The following AFMID variants were observed in gnomAD, a reference collection of about 807,000 sequenced individuals.
The protein encoded by AFMID is kynurenine formamidase.
Under a neutral mutation model 47.5 loss-of-function variants are expected in AFMID, and 39 were observed. That is an observed-to-expected ratio of 0.82 (90% CI 0.64 to 1.07). The LOEUF is 1.07. Among genes scored for constraint, AFMID ranks in the 50% least tolerant of loss-of-function variants. The pLI, the probability that AFMID is intolerant of heterozygous loss-of-function variation, is 0.00. For missense variants in AFMID, 375 were observed against 387.5 expected, an observed-to-expected ratio of 0.97 and a Z score of 0.27; for synonymous variants, 130 against 153.2, an observed-to-expected ratio of 0.85 and a Z score of 1.12.
chr17:78,189,219 C>CTT (rs770863206), intron 1 of AFMID, among the ~76,000 whole-genome samples: 2,943 of 122,692 alleles, frequency 0.024, 201 homozygotes, highest in African/African-American at 0.086. Flanking sequence ...TTCCTTGTTA[C>CTT]TTTTTTTTTT....
chr17:78,205,948 C>A lies in AFMID; in HGVS notation c.783C>A (p.Thr261=). The stretch of plus-strand genomic sequence containing the variant: ...CTTCCCATGTCTCCCCTGCCCAGAC[C>A]CTGTGTCAAGGAGAGTGGAAAGCCT... ...FHRQSWEFYQ[T]LCQGEWKASF... is the part of the protein sequence containing the mutation. The change falls in exon 10 of 11, where the codon ACC becomes ACA. Residue 261 remains threonine, a splice_region_variant and synonymous_variant. Coordinates refer to ENST00000409257, the MANE Select transcript of AFMID (RefSeq NM_001010982.5). 6.2e-7 allele frequency: 1 copy of A among 1,614,014 alleles called. No homozygotes were observed. The highest frequency in any genetic ancestry group is 1.1e-5 in the South Asian group (1 of 91,064).
At position 78,196,802 on chromosome 17, in the gene AFMID, A is replaced by G. The variant is rs9891101; in HGVS notation, c.155-5697A>G. 4.3e-3 allele frequency among the ~76,000 whole-genome samples: 655 copies of G among 152,326 alleles called. 4 individuals carry two copies. The highest frequency in any genetic ancestry group is 0.015 in the African/African-American group (618 of 41,574). Reference sequence around the variant, plus strand: ...ATAGCCTGAGTTGTAAATAATAGCAATGAAGCTTTTGCTTTAATGAGAAAG... The same window carrying G: ...ATAGCCTGAGTTGTAAATAATAGCAGTGAAGCTTTTGCTTTAATGAGAAAG... On this transcript the variant is annotated intron_variant, in intron 2 of 10. Transcript: ENST00000409257.
At chr17:78,202,832 C>T (rs1264710880) in intron 4 of AFMID, 81 bp downstream of exon 4, 5 of 1,492,134 alleles carry the variant, frequency 3.4e-6, no homozygotes, top group Non-Finnish European at 4.6e-6. Context: ...GCTGCCGCAA[C>T]CAAACTGCCA....
chr17:78,204,023 CAA>C (rs11308034), intron 4 of AFMID: 6,757 of 93,592 alleles, frequency 0.072, 153 homozygotes, highest in Non-Finnish European at 0.083. Context: ...GACTCTGTCT[CAA>C]AAAAAAAAAA....
At chr17:78,201,982 G>C (rs761021853) in intron 2 of AFMID, among the ~76,000 whole-genome samples, 1 of 151,514 alleles carries the variant, frequency 6.6e-6, no homozygotes, top group Admixed American at 6.6e-5. Context: ...CACCCGCCTC[G>C]GCCTCCCAGA....
chr17:78,204,657 A>G lies in AFMID; in HGVS notation c.310A>G (p.Lys104Glu), dbSNP rs2076329321. 1 of 1,614,026 alleles carries G rather than the reference A, an allele frequency of 6.2e-7. No homozygotes were observed. The highest frequency in any genetic ancestry group is 1.1e-5 in the South Asian group (1 of 91,090). The change falls in exon 5 of 11, where the codon AAG becomes GAG. Residue 104 changes from lysine to glutamate, a missense_variant and splice_region_variant. Physicochemically the swap from Lys to Glu is moderately conservative, Grantham distance 56. Transcript: ENST00000409257. ...FHGGYWQSGS[K>E]DESAFMVHPL... is the part of the protein sequence containing the mutation. The stretch of plus-strand genomic sequence containing the variant: ...TGTCACATCTGTGTGTCTCTGCAGT[A>G]AGGATGAGTCTGCCTTCATGGTCCA...
chr17:78,205,171 G>A lies in AFMID; in HGVS notation c.546G>A (p.Gly182=). 5.0e-6 allele frequency: 8 copies of A among 1,612,232 alleles called. No individual in the cohort carries two copies. The highest frequency in any genetic ancestry group is 5.9e-6 in the Non-Finnish European group (7 of 1,179,302). Residue 182 remains glycine (G), a synonymous_variant, in exon 7 of 11, where the codon GGG becomes GGA. Transcript: ENST00000409257. ...MMLLADWTKH[G]VTPNLRGFFL... is the part of the protein sequence containing the mutation. ...TCCTGGCCGACTGGACCAAGCATGG[G>A]GTCACGCCCAACCTCAGAGGTTTCC...
At chr17:78,192,310 C>CTT (rs756391509) in intron 2 of AFMID, among the ~76,000 whole-genome samples, 12,174 of 77,678 alleles carry the variant, frequency 0.16, 1,691 homozygotes, top group Non-Finnish European at 0.22. Context: ...CATGGCTGGA[C>CTT]TTTTTTTTTT....
In AFMID at chr17:78,207,186, C is replaced by T. The variant is rs766933772; in HGVS notation, c.*249C>T. 1.3e-5 allele frequency: 7 copies of T among 558,428 alleles called. No homozygotes were observed. The Admixed American group carries it at 1.3e-4, about 10-fold the overall frequency. 34.6% of individuals were successfully genotyped at this position (558,428 alleles called of 1,614,324 possible). A position where few individuals can be genotyped will look rare whatever the true frequency, so the allele number is the denominator to read the frequency against. ...GTCCGCAAGTCAATGCTCAGAGATG[C>T]CCGGAGCTGCCTCTTAGACTCGTCT... On this transcript the variant is annotated 3_prime_UTR_variant, in exon 11 of 11. Coordinates refer to ENST00000409257, the MANE Select transcript of AFMID (RefSeq NM_001010982.5).
At chr17:78,191,449 C>T (rs546605303) in intron 2 of AFMID, among the ~76,000 whole-genome samples, 20 of 152,106 alleles carry the variant, frequency 1.3e-4, no homozygotes, top group African/African-American at 3.9e-4. Flanking sequence ...TTTGGGAGGC[C>T]GAGGCAGGTA....
intron 2 of AFMID, among the ~76,000 whole-genome samples, chr17:78,192,201 T>A (rs1260509331): frequency 6.8e-6 from 1 of 147,342 alleles, no homozygotes; most frequent in Non-Finnish European, 1.5e-5. Flanking sequence ...AGTAGAGATA[T>A]GGTTTCTCCA....
chr17:78,200,893 A>G (rs1316060821), intron 2 of AFMID, among the ~76,000 whole-genome samples: 1 of 152,178 alleles, frequency 6.6e-6, no homozygotes, highest in African/African-American at 2.4e-5. Context: ...CCTTCTCCCA[A>G]GAGCGCAGTG....
At chr17:78,192,284 T>G (rs1466216302) in intron 2 of AFMID, among the ~76,000 whole-genome samples, 1 of 147,634 alleles carries the variant, frequency 6.8e-6, no homozygotes, top group Non-Finnish European at 1.5e-5. Context: ...GTGCTAGGAT[T>G]ACAGGTGTGA....
At chr17:78,189,864 C>T (rs991858959) in intron 1 of AFMID, among the ~76,000 whole-genome samples, 2 of 128,538 alleles carry the variant, frequency 1.6e-5, no homozygotes, top group African/African-American at 5.9e-5. Context: ...TGGGGTCTCA[C>T]TCTGTCGCCC....
At chr17:78,192,683 TTTCC>T (rs1480457929) in intron 2 of AFMID, 2 of 470,444 alleles carry the variant, frequency 4.3e-6, no homozygotes, top group Non-Finnish European at 8.8e-6. Context: ...TTAAGGTCCA[TTTCC>T]ATCTCTACCC....
chr17:78,202,456 AC>A (rs1480613854), intron 2 of AFMID, 42 bp from the exon 3 acceptor site: 1 of 1,586,510 alleles, frequency 6.3e-7, no homozygotes, highest in Non-Finnish European at 8.6e-7. Flanking sequence ...AATTTCTACC[AC>A]CTGAGCTTGT....
rs1358539857 is a variant in AFMID at position 78,205,724 on chromosome 17, T to C, written c.766T>C (p.Trp256Arg). ...CTCCCCCGAATTCCACCGACAGTCC[T>C]GGGAGTTTTACCAGGTACTCCCAGT... is the stretch of plus-strand genomic sequence containing the variant. Reference protein sequence around the residue: ...FDSPEFHRQSWEFYQTLCQGE... With the variant: ...FDSPEFHRQSREFYQTLCQGE... The change falls in exon 9 of 11, where the codon TGG becomes CGG. Residue 256 changes from tryptophan to arginine, a missense_variant. Coordinates refer to ENST00000409257, the MANE Select transcript of AFMID (RefSeq NM_001010982.5). 6.8e-6 allele frequency: 11 copies of C among 1,610,200 alleles called. No homozygotes were observed. The East Asian group carries it at 2.5e-4, about 36-fold the overall frequency.
intron 6 of AFMID, 43 bp downstream of exon 6, chr17:78,204,943 G>T: frequency 1.2e-6 from 2 of 1,611,596 alleles, no homozygotes; most frequent in South Asian, 1.1e-5. Flanking sequence ...GACCTCAGTG[G>T]GTGGGAGGAC....
chr17:78,202,580 A>T lies in AFMID; in HGVS notation c.236A>T (p.Tyr79Phe), dbSNP rs758270804. 4.3e-6 allele frequency: 7 copies of T among 1,613,972 alleles called. No individual in the cohort carries two copies. In the South Asian group the frequency reaches 5.5e-5, roughly 13 times the overall value. ...GDGEGEKVDI[Y>F]FPDESSEALP... ...GGCGAAGGGGAGAAAGTGGACATTT[A>T]CTTCCCCGACGAGTCGTCTGAAGGT... The change falls in exon 3 of 11, where the codon TAC becomes TTC. Residue 79 changes from tyrosine (Y) to phenylalanine (F), a missense_variant. Physicochemically the swap from Tyr to Phe is conservative, Grantham distance 22. Transcript: ENST00000409257.
Sources: allele counts gnomAD v4.1 joint callset (sites outside exome capture counted in the v4.1 genomes callset), GRCh38; gene constraint gnomAD v4.1.1; transcripts MANE v1.5; gene names NCBI Gene and HGNC (gene_info 2026-07-23, HGNC 2026-07-21).